Variants in ZBTB7C observed in about 807,000 individuals in gnomAD.
ZBTB7C encodes zinc finger and BTB domain-containing protein 7C.
ZBTB7C carries 8 observed loss-of-function variants against 25.7 expected under a neutral mutation model. That is an observed-to-expected ratio of 0.31 (90% CI 0.18 to 0.56). The LOEUF (loss-of-function observed/expected upper bound fraction) is 0.56, where lower values mean the gene tolerates loss of function less well. Ranked by LOEUF, ZBTB7C falls within the 20% of genes least tolerant of loss-of-function variation. ZBTB7C has a pLI of 0.91. For missense variants in ZBTB7C, 824 were observed against 855.2 expected (o/e 0.96, Z 0.46); for synonymous variants, 394 against 369.0 (o/e 1.07, Z -0.78).
chr18:48,034,624 C>G (rs1406715101), intron 4 of ZBTB7C, among the ~76,000 whole-genome samples: 1 of 152,166 alleles, frequency 6.6e-6, no homozygotes, highest in African/African-American at 2.4e-5. Context: ...ACACACAACA[C>G]TGAATGTAGA....
chr18:48,317,395 G>A (rs1230942146), intron 2 of ZBTB7C, among the ~76,000 whole-genome samples: 1 of 151,992 alleles, frequency 6.6e-6, no homozygotes, highest in Non-Finnish European at 1.5e-5. Context: ...TTGTGCCTCA[G>A]CTCAGCCCTG....
chr18:48,300,277 T>G (rs765175750), intron 2 of ZBTB7C, among the ~76,000 whole-genome samples: 1 of 152,174 alleles, frequency 6.6e-6, no homozygotes, highest in Non-Finnish European at 1.5e-5. Flanking sequence ...TAGGAACACT[T>G]GGCTAGGTTT....
intron 3 of ZBTB7C, among the ~76,000 whole-genome samples, chr18:48,121,678 G>C (rs928266346): frequency 1.3e-5 from 2 of 152,200 alleles, no homozygotes; most frequent in Non-Finnish European, 2.9e-5. Context: ...GATTGAATGA[G>C]AGGCTGGGTA....
chr18:48,157,126 T>C lies in ZBTB7C; in HGVS notation c.-17+28808A>G, dbSNP rs1377440881. Reference sequence around the variant, plus strand: ...TCAAGCAGGGTTCTCTGGGTGACCTTAGACAGCTTCCTCTATGTGGCTTTT... The same window carrying C: ...TCAAGCAGGGTTCTCTGGGTGACCTCAGACAGCTTCCTCTATGTGGCTTTT... On this transcript the variant is annotated intron_variant, in intron 3 of 4. Coordinates refer to ENST00000590800, the MANE Select transcript of ZBTB7C (RefSeq NM_001318841.2). Among the ~76,000 whole-genome samples, 3 of 152,226 alleles carry C rather than the reference T, an allele frequency of 2.0e-5. No individual in the cohort carries two copies. The East Asian group carries it at 5.8e-4, about 29-fold the overall frequency.
chr18:48,300,520 TG>T (rs1434722391), intron 2 of ZBTB7C, among the ~76,000 whole-genome samples: 6 of 152,132 alleles, frequency 3.9e-5, no homozygotes, highest in Admixed American at 6.6e-5. Flanking sequence ...TGAAGTCCCT[TG>T]GCCCCAGCCA....
At chr18:48,297,336 G>A (rs1350094218) in intron 2 of ZBTB7C, among the ~76,000 whole-genome samples, 4 of 152,138 alleles carry the variant, frequency 2.6e-5, no homozygotes, top group African/African-American at 9.7e-5. Flanking sequence ...TGCTGTGTTT[G>A]CCTTTGGATT....
intron 2 of ZBTB7C, among the ~76,000 whole-genome samples, chr18:48,269,733 G>A (rs1189355812): frequency 6.6e-6 from 1 of 152,150 alleles, no homozygotes. Context: ...GGAGACTCCT[G>A]GGAGCTGAGG....
chr18:48,328,004 C>T (rs2046261201), intron 2 of ZBTB7C, among the ~76,000 whole-genome samples: 1 of 151,696 alleles, frequency 6.6e-6, no homozygotes, highest in Non-Finnish European at 1.5e-5. Context: ...GTCAGGAGAT[C>T]GAGACCATCC....
intron 2 of ZBTB7C, among the ~76,000 whole-genome samples, chr18:48,335,858 T>C (rs2046447011): frequency 6.6e-6 from 1 of 152,214 alleles, no homozygotes; most frequent in Admixed American, 6.5e-5. Context: ...AAATATATCA[T>C]TAAAATTAAT....
At chr18:48,136,583 A>AT (rs2040172018) in intron 3 of ZBTB7C, among the ~76,000 whole-genome samples, 1 of 151,980 alleles carries the variant, frequency 6.6e-6, no homozygotes, top group Non-Finnish European at 1.5e-5. Context: ...AGACAATTTA[A>AT]ACTACCAAGG....
At chr18:48,217,548 C>T (rs2042855024) in intron 2 of ZBTB7C, among the ~76,000 whole-genome samples, 1 of 152,164 alleles carries the variant, frequency 6.6e-6, no homozygotes, top group Admixed American at 6.5e-5. Context: ...ACCCTGAAGT[C>T]TTTGCAGTCT....
intron 3 of ZBTB7C, chr18:48,087,746 GACTGTACT>G: frequency 6.7e-6 from 1 of 148,728 alleles, no homozygotes; most frequent in South Asian, 2.1e-4. Flanking sequence ...AGTGAGCTGT[GACTGTACT>G]ACTGCACTCC....
intron 3 of ZBTB7C, among the ~76,000 whole-genome samples, chr18:48,067,919 T>C (rs1033893618): frequency 1.3e-5 from 2 of 152,112 alleles, no homozygotes; most frequent in African/African-American, 4.8e-5. Context: ...GAGAATCACT[T>C]GAACCTGGGA....
At chr18:48,128,978 C>T (rs1243995308) in intron 3 of ZBTB7C, among the ~76,000 whole-genome samples, 6 of 152,006 alleles carry the variant, frequency 3.9e-5, no homozygotes, top group Admixed American at 3.9e-4. Context: ...AATGTGAATT[C>T]GTGCAAAGAA....
intron 2 of ZBTB7C, chr18:48,203,491 A>C (rs869999): frequency 1.3e-5 from 2 of 152,206 alleles, no homozygotes; most frequent in African/African-American, 4.8e-5. Flanking sequence ...CTGCAGTGCA[A>C]AAGAATGGAC....
rs2144038545 is a variant in ZBTB7C at position 48,028,041 on chromosome 18, T to C, written c.*1219A>G. On this transcript the variant is annotated 3_prime_UTR_variant, in exon 5 of 5. Transcript: ENST00000590800. ...ATCCCCAGAGGGAGGAGGAAGGGGTTGAGGGGGTTCTCACACAGCAAAGGG... is the reference window on the plus strand; with the variant it reads ...ATCCCCAGAGGGAGGAGGAAGGGGTCGAGGGGGTTCTCACACAGCAAAGGG... 1 of 152,292 alleles carries C rather than the reference T, an allele frequency of 6.6e-6. No individual in the cohort carries two copies. Among genetic ancestry groups the C allele is most frequent in the African/African-American group, 2.4e-5 (1 of 41,552 alleles). The allele number at this position is 152,292 out of a possible 1,614,324, so 9.4% of individuals were successfully genotyped here.
At chr18:48,162,253 A>G in intron 3 of ZBTB7C, 1 of 424,652 alleles carries the variant, frequency 2.4e-6, no homozygotes, top group South Asian at 1.6e-5. Flanking sequence ...TTCTACCGGA[A>G]ACAGAGCCAC....
At chr18:48,183,400 C>T (rs1045241224) in intron 3 of ZBTB7C, among the ~76,000 whole-genome samples, 4 of 152,274 alleles carry the variant, frequency 2.6e-5, no homozygotes, top group African/African-American at 9.6e-5. Flanking sequence ...AGACTTTTTA[C>T]AATATACCTT....
At chr18:48,038,640 T>C (rs1261874504) in intron 4 of ZBTB7C, among the ~76,000 whole-genome samples, 3 of 151,866 alleles carry the variant, frequency 2.0e-5, no homozygotes, top group Non-Finnish European at 4.4e-5. Flanking sequence ...GGCCAAAGCT[T>C]TGGGCCCACT....
Sources: allele counts gnomAD v4.1 joint callset (sites outside exome capture counted in the v4.1 genomes callset), GRCh38; gene constraint gnomAD v4.1.1; transcripts MANE v1.5; gene names NCBI Gene and HGNC (gene_info 2026-07-23, HGNC 2026-07-21).